The following RHEB variants were observed in gnomAD, a reference collection of about 807,000 sequenced individuals.
RHEB encodes the protein GTP-binding protein Rheb.
Under a neutral mutation model 28.8 loss-of-function variants are expected in RHEB, and 2 were observed. The observed-to-expected ratio is 0.07, with a 90% CI of 0.03 to 0.22. The LOEUF (loss-of-function observed/expected upper bound fraction) is 0.22. Among genes scored for constraint, RHEB ranks in the 10% least tolerant of loss-of-function variants. RHEB has a pLI of 1.00. For synonymous variants in RHEB, 69 were observed against 77.3 expected, an observed-to-expected ratio of 0.89 and a Z score of 0.56; for missense variants, 76 against 219.9, an observed-to-expected ratio of 0.35 and a Z score of 4.14.
Position 151,519,759 on chromosome 7 carries a change from CG to C in RHEB, c.-249del, listed in dbSNP as rs898361913. Reference sequence around the variant, plus strand: ...GCGTCAGCACCGCCCCTCTTCGCGCCGTGGCCCGCCGCCTCCGCCCCCCGAA... The same window carrying C: ...GCGTCAGCACCGCCCCTCTTCGCGCCTGGCCCGCCGCCTCCGCCCCCCGAA... On this transcript the variant is annotated 5_prime_UTR_variant, in exon 1 of 8. Coordinates refer to ENST00000262187, the MANE Select transcript of RHEB (RefSeq NM_005614.4). 39 of 332,958 alleles carry C rather than the reference CG, an allele frequency of 1.2e-4. No individual in the cohort carries two copies. The highest frequency in any genetic ancestry group is 1.8e-4 in the Non-Finnish European group (33 of 183,912). The allele number at this position is 332,958 out of a possible 1,614,324, so 20.6% of individuals were successfully genotyped here. A position where few individuals can be genotyped will look rare whatever the true frequency, so the allele number is the denominator to read the frequency against.
intron 6 of RHEB, 69 bp downstream of exon 6, chr7:151,471,325 A>G: frequency 2.0e-6 from 2 of 1,006,910 alleles, no homozygotes. Context: ...TCTTGACATC[A>G]GAACAATAAT....
chr7:151,471,469 A>G, intron 5 of RHEB, 28 bp from the exon 6 acceptor site: 2 of 1,559,652 alleles, frequency 1.3e-6, no homozygotes. Flanking sequence ...AAGACAAACC[A>G]GTAAGTGCCA....
intron 3 of RHEB, among the ~76,000 whole-genome samples, chr7:151,480,247 G>A (rs1802358685): frequency 6.6e-6 from 1 of 152,158 alleles, no homozygotes; most frequent in Non-Finnish European, 1.5e-5. Context: ...AGCAAGACCA[G>A]CAACAGTCTA....
At chr7:151,511,092 A>T (rs77526148) in intron 1 of RHEB, among the ~76,000 whole-genome samples, 1 of 136,964 alleles carries the variant, frequency 7.3e-6, no homozygotes. Context: ...AATAAAAAAT[A>T]AAAAAAAAAA....
chr7:151,499,259 G>A (rs1171446600), intron 1 of RHEB, among the ~76,000 whole-genome samples: 1 of 152,214 alleles, frequency 6.6e-6, no homozygotes, highest in African/African-American at 2.4e-5. Flanking sequence ...TGGGGAGGCT[G>A]AGGCACAAGA....
chr7:151,502,812 A>G (rs112779544), intron 1 of RHEB: 32,156 of 1,315,300 alleles, frequency 0.024, 508 homozygotes, highest in Middle Eastern at 0.031. Flanking sequence ...ATTTCTGGGG[A>G]CAAAGTGAAT....
intron 5 of RHEB, 26 bp from the exon 6 acceptor site, chr7:151,471,467 CCAGT>C: frequency 1.3e-6 from 2 of 1,558,044 alleles, no homozygotes; most frequent in Non-Finnish European, 8.8e-7. Flanking sequence ...AAAAGACAAA[CCAGT>C]AAGTGCCAGA....
chr7:151,496,333 T>C (rs1161974128), intron 1 of RHEB, among the ~76,000 whole-genome samples: 1 of 152,158 alleles, frequency 6.6e-6, no homozygotes, highest in African/African-American at 2.4e-5. Flanking sequence ...TATCAATCAA[T>C]ACACAGTATT....
intron 2 of RHEB, among the ~76,000 whole-genome samples, chr7:151,485,242 T>C (rs936778493): frequency 6.6e-6 from 1 of 152,352 alleles, no homozygotes; most frequent in East Asian, 1.9e-4. Flanking sequence ...TGCTAAGAAC[T>C]TTTAGTACAT....
At chr7:151,470,081 G>T (rs1344629266) in intron 7 of RHEB, among the ~76,000 whole-genome samples, 2 of 152,146 alleles carry the variant, frequency 1.3e-5, no homozygotes, top group African/African-American at 4.8e-5. Context: ...ACATGCCTTT[G>T]AAGGCACATC....
chr7:151,482,779 G>T (rs1802401372), intron 3 of RHEB, among the ~76,000 whole-genome samples: 1 of 152,128 alleles, frequency 6.6e-6, no homozygotes, highest in Non-Finnish European at 1.5e-5. Context: ...TCTTGGTTTA[G>T]GCAATAAATT....
chr7:151,485,696 C>G (rs1802459703), intron 2 of RHEB, among the ~76,000 whole-genome samples: 1 of 152,056 alleles, frequency 6.6e-6, no homozygotes, highest in South Asian at 2.1e-4. Context: ...CTGACACAGA[C>G]AAATGGAAAT....
intron 4 of RHEB, among the ~76,000 whole-genome samples, chr7:151,477,102 T>C (rs1466740740): frequency 1.3e-5 from 2 of 152,170 alleles, no homozygotes; most frequent in Non-Finnish European, 2.9e-5. Flanking sequence ...AACCACTGTT[T>C]TTCTAGGTAG....
chr7:151,509,921 T>C lies in RHEB; in HGVS notation c.52+9539A>G, dbSNP rs1325891119. Reference sequence around the variant, plus strand: ...TAGAATAGCTGCAAGAGAGGCTACATGGCCTGCCCTGCAAAGCTTGAGATA... The same window carrying C: ...TAGAATAGCTGCAAGAGAGGCTACACGGCCTGCCCTGCAAAGCTTGAGATA... On this transcript the variant is annotated intron_variant, in intron 1 of 7. Transcript: ENST00000262187. Among the ~76,000 whole-genome samples, 4 of 152,330 alleles carry C rather than the reference T, an allele frequency of 2.6e-5. No individual in the cohort carries two copies. In the East Asian group the frequency reaches 5.8e-4, roughly 22 times the overall value.
chr7:151,478,382 T>C (rs1802309364), intron 3 of RHEB, among the ~76,000 whole-genome samples: 1 of 147,890 alleles, frequency 6.8e-6, no homozygotes, highest in South Asian at 2.1e-4. Context: ...GTAAAGTTCT[T>C]TAAAGAAAAA....
intron 3 of RHEB, among the ~76,000 whole-genome samples, chr7:151,480,745 T>G (rs1802368980): frequency 6.6e-6 from 1 of 151,594 alleles, no homozygotes; most frequent in African/African-American, 2.4e-5. Context: ...AGGGCAATGG[T>G]GCAATCTTGG....
At chr7:151,509,869 G>A (rs987049807) in intron 1 of RHEB, among the ~76,000 whole-genome samples, 5 of 152,178 alleles carry the variant, frequency 3.3e-5, no homozygotes, top group Non-Finnish European at 7.3e-5. Flanking sequence ...TATTGTCTGT[G>A]GCTGCTTCCG....
In RHEB at chr7:151,479,528, A is replaced by G. The variant is rs551325142; in HGVS notation, c.193-2113T>C. ...AAACCCCGTCTCCACTCAAAATACAAAAAAACTAGCTGGGCGTGGTGGCGG... is the reference window on the plus strand; with the variant it reads ...AAACCCCGTCTCCACTCAAAATACAGAAAAACTAGCTGGGCGTGGTGGCGG... On this transcript the variant is annotated intron_variant, in intron 3 of 7. Coordinates refer to ENST00000262187, the MANE Select transcript of RHEB (RefSeq NM_005614.4). Among the ~76,000 whole-genome samples, 153 of 152,096 alleles carry G rather than the reference A, an allele frequency of 1.0e-3. 1 individual carries two copies. Among genetic ancestry groups the G allele is most frequent in the Non-Finnish European group, 8.8e-4 (60 of 67,970 alleles).
chr7:151,486,765 C>CAA (rs1367803298), intron 2 of RHEB, among the ~76,000 whole-genome samples: 4 of 152,162 alleles, frequency 2.6e-5, no homozygotes. Context: ...TAGAGGGTGA[C>CAA]ACTGGCCTGG....
Sources: gnomAD v4.1 joint callset for allele counts (sites outside exome capture counted in the v4.1 genomes callset) on GRCh38, gnomAD v4.1.1 for gene constraint, MANE v1.5 for transcripts, NCBI Gene and HGNC (gene_info 2026-07-23, HGNC 2026-07-21) for gene names.